CYFIP2: variants seen among roughly 807,000 people sequenced by gnomAD.
CYFIP2 encodes cytoplasmic FMR1-interacting protein 2.
CYFIP2 carries 29 observed loss-of-function variants against 158.7 expected under a neutral mutation model. The observed-to-expected ratio is 0.18, with a 90% CI of 0.14 to 0.25. The LOEUF is 0.25. CYFIP2 is among the 10% of genes least tolerant of loss of function. The probability of loss-of-function intolerance (pLI) is 1.00; values close to 1 mark genes in which losing one functional copy is unlikely to be tolerated. For synonymous variants in CYFIP2, 585 were observed against 617.6 expected (o/e 0.95, Z 0.78); for missense variants, 852 against 1,639.5 (o/e 0.52, Z 8.29).
intron 1 of CYFIP2, among the ~76,000 whole-genome samples, chr5:157,284,746 A>AT (rs1313510308): frequency 1.4e-4 from 22 of 152,362 alleles, no homozygotes; most frequent in Admixed American, 1.4e-3. Context: ...CTCACAAAAC[A>AT]TACCCAGGTC....
intron 28 of CYFIP2, among the ~76,000 whole-genome samples, chr5:157,385,538 T>G (rs1431532465): frequency 6.6e-6 from 1 of 152,162 alleles, no homozygotes; most frequent in East Asian, 1.9e-4. Context: ...CAAATTGAAG[T>G]GACCTGGTTT....
rs373676501 is a variant in CYFIP2, at chr5:157,311,712, G to A, written c.1041G>A (p.Glu347=). 2.0e-4 allele frequency: 321 copies of A among 1,610,492 alleles called. No individual in the cohort carries two copies. The highest frequency in any genetic ancestry group is 2.7e-4 in the Non-Finnish European group (314 of 1,178,522). The stretch of plus-strand genomic sequence containing the variant: ...TCAGCCCCCAGTACAATATCTGCGA[G>A]CAGATGGTTCAGATCCGGGATGACC... ...SSISPQYNIC[E]QMVQIRDDHI... The change falls in exon 11 of 31, where the codon GAG becomes GAA. Residue 347 remains glutamate (E), a synonymous_variant. Coordinates refer to ENST00000620254, the MANE Select transcript of CYFIP2 (RefSeq NM_001037333.3). This position sits in a 1 kb window ranked among gnomAD's most constrained non-coding sequence, Gnocchi z 4.7.
chr5:157,324,167 C>A lies in CYFIP2; in HGVS notation c.1825+93C>A, dbSNP rs193150957. On this transcript the variant is annotated intron_variant, in intron 16 of 30. Transcript: ENST00000620254. ...CACCAAGCCAGGCATTGCAAAGGGA[C>A]GTGACCGTTGACCCTAAGGGGCACA... is the stretch of plus-strand genomic sequence containing the variant. 22 of 1,421,596 alleles carry A rather than the reference C, an allele frequency of 1.5e-5. 1 individual carries two copies. The East Asian group carries it at 4.7e-4, about 30-fold the overall frequency. 88.1% of individuals were successfully genotyped at this position (1,421,596 alleles called of 1,614,324 possible).
chr5:157,332,465 C>T (rs1449489920), intron 20 of CYFIP2, among the ~76,000 whole-genome samples: 7 of 152,154 alleles, frequency 4.6e-5, no homozygotes, highest in Non-Finnish European at 8.8e-5. Flanking sequence ...AATGCTTCAG[C>T]CTATATCTCC....
At chr5:157,354,657 C>T (rs569309940) in intron 23 of CYFIP2, among the ~76,000 whole-genome samples, 3 of 152,150 alleles carry the variant, frequency 2.0e-5, no homozygotes, top group African/African-American at 7.2e-5. Flanking sequence ...ACATGAAATG[C>T]ATCTTGGACC....
At chr5:157,289,990 T>C (rs1757694390) in intron 3 of CYFIP2, among the ~76,000 whole-genome samples, 1 of 152,154 alleles carries the variant, frequency 6.6e-6, no homozygotes, top group African/African-American at 2.4e-5. Flanking sequence ...CAAGGCTGAA[T>C]GAGGGTGATG....
chr5:157,330,240 A>G (rs963631098), intron 19 of CYFIP2, among the ~76,000 whole-genome samples: 9 of 144,324 alleles, frequency 6.2e-5, no homozygotes, highest in Admixed American at 2.1e-4. Flanking sequence ...GAGATTTAAA[A>G]TGTGTGTGTG....
chr5:157,358,728 G>A (rs919356997), intron 23 of CYFIP2, among the ~76,000 whole-genome samples: 1 of 152,174 alleles, frequency 6.6e-6, no homozygotes, highest in Non-Finnish European at 1.5e-5. Flanking sequence ...GAACGTCATG[G>A]GTGGCAGGAA....
chr5:157,389,173 G>A lies in CYFIP2; in HGVS notation c.3208-16G>A. ...TAAGATGTGGATAGAAGGTGTATGT[G>A]CCCTTCTGTTTCCAGCAAATCGCCA... is the stretch of plus-strand genomic sequence containing the variant. On this transcript the variant is annotated splice_polypyrimidine_tract_variant and intron_variant, in intron 28 of 30. Transcript: ENST00000620254. The A allele has an allele frequency of 1.3e-6, 2 of 1,592,132 alleles. No homozygotes were observed. Among genetic ancestry groups the A allele is most frequent in the Non-Finnish European group, 1.7e-6 (2 of 1,165,594 alleles).
chr5:157,336,135 A>C (rs1761840473), intron 21 of CYFIP2, among the ~76,000 whole-genome samples: 1 of 151,968 alleles, frequency 6.6e-6, no homozygotes, highest in South Asian at 2.1e-4. Flanking sequence ...ATGAGGAATG[A>C]GCTCCCCTCA....
chr5:157,324,021 T>G lies in CYFIP2; in HGVS notation c.1772T>G (p.Ile591Arg). 1 of 1,613,864 alleles carries G rather than the reference T, an allele frequency of 6.2e-7. No individual in the cohort carries two copies. The highest frequency in any genetic ancestry group is 1.1e-5 in the South Asian group (1 of 91,024). Residue 591 changes from isoleucine (I) to arginine (R), a missense_variant, in exon 16 of 31, where the codon ATA (isoleucine) becomes AGA (arginine). Ile to Arg is a moderately conservative substitution (Grantham distance 97). This residue lies in a region of CYFIP2 where 167 missense variants were observed against 343.3 expected (regional missense o/e 0.49). Transcript: ENST00000620254. Reference protein sequence around the residue: ...SSLDGPIVLAIEDFHKQSFFF... With the variant: ...SSLDGPIVLAREDFHKQSFFF... ...CTGGATGGACCCATTGTCCTCGCCATAGAGGACTTTCACAAACAGTCCTTC... is the reference window on the plus strand; with the variant it reads ...CTGGATGGACCCATTGTCCTCGCCAGAGAGGACTTTCACAAACAGTCCTTC...
chr5:157,390,783 G>A, intron 30 of CYFIP2, 115 bp downstream of exon 30: 1 of 1,488,744 alleles, frequency 6.7e-7, no homozygotes, highest in South Asian at 1.2e-5. Context: ...CACACGGCAA[G>A]TACAAAGATA....
chr5:157,371,177 G>A (rs192261955), intron 26 of CYFIP2, among the ~76,000 whole-genome samples: 12 of 152,190 alleles, frequency 7.9e-5, no homozygotes, highest in African/African-American at 2.9e-4. Flanking sequence ...CTGTATCCTC[G>A]GGGCTTAACA....
At chr5:157,324,541 A>C (rs1195611457) in intron 16 of CYFIP2, among the ~76,000 whole-genome samples, 2 of 152,160 alleles carry the variant, frequency 1.3e-5, no homozygotes, top group South Asian at 2.1e-4. Flanking sequence ...CAGGAACATG[A>C]GTCTTCATAT....
chr5:157,273,607 T>A (rs1467701671), intron 1 of CYFIP2, among the ~76,000 whole-genome samples: 3 of 152,032 alleles, frequency 2.0e-5, no homozygotes, highest in Non-Finnish European at 2.9e-5. Flanking sequence ...TATCTATTAC[T>A]CTTTTCCTCC....
At position 157,321,085 on chromosome 5, in the gene CYFIP2, A is replaced by G. The variant is rs567762286; in HGVS notation, c.1671+283A>G. 5.8e-4 allele frequency among the ~76,000 whole-genome samples: 88 copies of G among 152,330 alleles called. 1 individual carries two copies. The highest frequency in any genetic ancestry group is 2.0e-3 in the African/African-American group (84 of 41,574). ...CAGTTGTTTAAACTGGCTAATGGGG[A>G]TAATACCACCACATCCACCTTGCCT... On this transcript the variant is annotated intron_variant, in intron 15 of 30. Coordinates refer to ENST00000620254, the MANE Select transcript of CYFIP2 (RefSeq NM_001037333.3).
chr5:157,335,860 A>T (rs1020603598), intron 21 of CYFIP2, among the ~76,000 whole-genome samples: 2 of 151,884 alleles, frequency 1.3e-5, no homozygotes, highest in Non-Finnish European at 2.9e-5. Context: ...TAATGAGCAT[A>T]TCTTATGGGA....
chr5:157,305,350 C>G (rs910324643), intron 8 of CYFIP2, among the ~76,000 whole-genome samples: 1 of 152,176 alleles, frequency 6.6e-6, no homozygotes, highest in Non-Finnish European at 1.5e-5. Context: ...AATAAATCTT[C>G]AAGCTTTTGC....
intron 23 of CYFIP2, among the ~76,000 whole-genome samples, chr5:157,349,226 C>T (rs921016075): frequency 5.9e-5 from 9 of 152,114 alleles, no homozygotes; most frequent in African/African-American, 2.4e-5. Flanking sequence ...ACCCATCATA[C>T]GAGCAGTATA....
Sources: allele counts gnomAD v4.1 joint callset (sites outside exome capture counted in the v4.1 genomes callset), GRCh38; gene constraint gnomAD v4.1.1; regional missense constraint gnomAD v4.1.1; non-coding constraint Gnocchi (gnomAD v3.1); transcripts MANE v1.5; gene names NCBI Gene and HGNC (gene_info 2026-07-23, HGNC 2026-07-21).